Variants in DNAI4 observed in about 807,000 individuals in gnomAD.
DNAI4 encodes WD repeat domain 78.
DNAI4 carries 85 observed loss-of-function variants against 105.8 expected under a neutral mutation model. The observed-to-expected ratio is 0.80, with a 90% CI of 0.67 to 0.96. The LOEUF (loss-of-function observed/expected upper bound fraction) is 0.96. DNAI4 is among the 40% of genes least tolerant of loss of function. DNAI4 has a pLI of 0.00. For missense variants in DNAI4, 1,014 were observed against 1,005.6 expected, an observed-to-expected ratio of 1.01 and a Z score of -0.11; for synonymous variants, 352 against 331.5, an observed-to-expected ratio of 1.06 and a Z score of -0.67.
chr1:66,864,512 T>G (rs1008352669), intron 6 of DNAI4, among the ~76,000 whole-genome samples: 5 of 152,130 alleles, frequency 3.3e-5, no homozygotes, highest in African/African-American at 1.2e-4. Flanking sequence ...AGAGGTGATA[T>G]GGGCAGTTCA....
chr1:66,833,452 C>T, intron 13 of DNAI4, 133 bp downstream of exon 13: 1 of 1,045,742 alleles, frequency 9.6e-7, no homozygotes, highest in Non-Finnish European at 1.3e-6. Context: ...AATCATTTAT[C>T]TACTTTCTGT....
At chr1:66,893,053 A>AAGAGAG (rs71058480) in intron 3 of DNAI4, among the ~76,000 whole-genome samples, 176 bp downstream of exon 3, 1 of 66,560 alleles carries the variant, frequency 1.5e-5, no homozygotes, top group African/African-American at 6.0e-5. Context: ...GAAAGAAAGA[A>AAGAGAG]AGAGAGAGAG....
chr1:66,920,674 C>T (rs1650411975), intron 1 of DNAI4, among the ~76,000 whole-genome samples: 2 of 152,302 alleles, frequency 1.3e-5, no homozygotes, highest in South Asian at 4.1e-4. Flanking sequence ...TCACCCCTGC[C>T]AGCGCCTGCA....
chr1:66,888,430 C>T (rs1306446607), intron 4 of DNAI4, among the ~76,000 whole-genome samples: 1 of 152,172 alleles, frequency 6.6e-6, no homozygotes, highest in Non-Finnish European at 1.5e-5. Context: ...CGTGGTGGCT[C>T]ACGCCTGTAA....
At chr1:66,863,473 A>T (rs1170588966) in intron 6 of DNAI4, among the ~76,000 whole-genome samples, 1 of 151,766 alleles carries the variant, frequency 6.6e-6, no homozygotes, top group East Asian at 1.9e-4. Context: ...GTTTTGTTTC[A>T]TTTTTTTAAG....
At chr1:66,923,046 A>G (rs1187760182) in intron 1 of DNAI4, among the ~76,000 whole-genome samples, 1 of 152,166 alleles carries the variant, frequency 6.6e-6, no homozygotes, top group African/African-American at 2.4e-5. Flanking sequence ...GAGCTGAAAA[A>G]TTCCTATTGT....
At chr1:66,833,964 A>G in intron 12 of DNAI4, 27 bp downstream of exon 12, 2 of 1,566,708 alleles carry the variant, frequency 1.3e-6, no homozygotes, top group East Asian at 4.5e-5. Flanking sequence ...ACGTAACAAG[A>G]AAAATATAAC....
chr1:66,858,532 CAA>C lies in DNAI4; in HGVS notation c.1096+3613_1096+3614del, dbSNP rs3033717. The stretch of plus-strand genomic sequence containing the variant: ...TGGGCAACAGAGCAAGACTCCGTCT[CAA>C]AAAAAAAAAAAAAAAATGCAAAAAT... On this transcript the variant is annotated intron_variant, in intron 7 of 16. Coordinates refer to ENST00000371026, the MANE Select transcript of DNAI4 (RefSeq NM_024763.5). Among the ~76,000 whole-genome samples, 62 of 63,570 alleles carry C rather than the reference CAA, an allele frequency of 9.8e-4. 2 individuals are homozygous for C. The highest frequency in any genetic ancestry group is 2.9e-3 in the African/African-American group (52 of 17,956). The allele number at this position is 63,570 out of a possible 152,430, so 41.7% of individuals were successfully genotyped here. A position where few individuals can be genotyped will look rare whatever the true frequency, so the allele number is the denominator to read the frequency against.
chr1:66,882,860 G>T (rs768338854), intron 4 of DNAI4, among the ~76,000 whole-genome samples: 8 of 151,866 alleles, frequency 5.3e-5, no homozygotes, highest in Non-Finnish European at 1.2e-4. Context: ...AGATTGGATT[G>T]AATCTATACA....
chr1:66,846,755 A>G (rs1646284617), intron 8 of DNAI4, among the ~76,000 whole-genome samples: 1 of 152,220 alleles, frequency 6.6e-6, no homozygotes, highest in African/African-American at 2.4e-5. Flanking sequence ...CTTGAGATCA[A>G]AAGACCTTGG....
intron 2 of DNAI4, among the ~76,000 whole-genome samples, chr1:66,904,025 A>T (rs2100826315): frequency 6.6e-6 from 1 of 151,730 alleles, no homozygotes; most frequent in Non-Finnish European, 1.5e-5. Context: ...GTGTGTGTAT[A>T]TATACATATG....
At chr1:66,849,056 T>C (rs1225601348) in intron 7 of DNAI4, among the ~76,000 whole-genome samples, 1 of 152,114 alleles carries the variant, frequency 6.6e-6, no homozygotes, top group African/African-American at 2.4e-5. Flanking sequence ...CTTCCTACAG[T>C]GTCAGTGGAG....
At chr1:66,924,062 G>C (rs1650868898) in intron 1 of DNAI4, among the ~76,000 whole-genome samples, 2 of 152,250 alleles carry the variant, frequency 1.3e-5, no homozygotes, top group South Asian at 4.1e-4. Flanking sequence ...TCTGGGCACA[G>C]CATGAAAGCA....
intron 11 of DNAI4, among the ~76,000 whole-genome samples, chr1:66,834,868 G>A (rs541684377): frequency 2.0e-4 from 31 of 152,104 alleles, no homozygotes; most frequent in African/African-American, 7.0e-4. Flanking sequence ...CAAGCACAAA[G>A]GCCTATGCTT....
At chr1:66,852,728 G>A (rs763745383) in intron 7 of DNAI4, among the ~76,000 whole-genome samples, 21 of 152,118 alleles carry the variant, frequency 1.4e-4, no homozygotes, top group African/African-American at 4.8e-5. Context: ...CAGAATGATT[G>A]TGTCCCTATA....
intron 13 of DNAI4, among the ~76,000 whole-genome samples, chr1:66,829,027 A>T (rs1645812055): frequency 6.6e-6 from 1 of 152,190 alleles, no homozygotes; most frequent in Non-Finnish European, 1.5e-5. Context: ...TCTCAGGAAC[A>T]ACCTCTATGT....
chr1:66,924,111 T>C (rs1650885227), intron 1 of DNAI4, among the ~76,000 whole-genome samples: 1 of 152,204 alleles, frequency 6.6e-6, no homozygotes, highest in African/African-American at 2.4e-5. Flanking sequence ...AAACTAGAAG[T>C]GCTAGAACGA....
intron 16 of DNAI4, among the ~76,000 whole-genome samples, chr1:66,817,961 G>A (rs199531212): frequency 1.3e-4 from 8 of 63,050 alleles, no homozygotes; most frequent in Admixed American, 9.0e-4. Context: ...ATCTTGGCTA[G>A]TTGTGAAAAT....
rs1647206176 is a variant in DNAI4, at chr1:66,886,548, C to T, written c.643+4606G>A. ...TCAAAACCTTTCTTGTTTTTGTTTC[C>T]CTTCCTGGCTTTCAGGCTTCTCTTT... On this transcript the variant is annotated intron_variant, in intron 4 of 16. Transcript: ENST00000371026. Among the ~76,000 whole-genome samples the T allele has an allele frequency of 1.3e-5, 2 of 152,092 alleles. 1 individual carries two copies. Among genetic ancestry groups the T allele is most frequent in the Middle Eastern group, 6.8e-3 (2 of 294 alleles).
Sources: gnomAD v4.1 joint callset for allele counts (sites outside exome capture counted in the v4.1 genomes callset) on GRCh38, gnomAD v4.1.1 for gene constraint, MANE v1.5 for transcripts, NCBI Gene and HGNC (gene_info 2026-07-23, HGNC 2026-07-21) for gene names.